TENM3: variants seen among roughly 807,000 people sequenced by gnomAD.
The protein encoded by TENM3 is teneurin transmembrane protein 3, also known as teneurin-3.
In TENM3, 63 loss-of-function variants were observed where a neutral mutation model predicts 255.1. The observed-to-expected ratio is 0.25, with a 90% CI of 0.20 to 0.30. The LOEUF is 0.30. Among genes scored for constraint, TENM3 ranks in the 10% least tolerant of loss-of-function variants. The probability of loss-of-function intolerance (pLI) is 1.00; values close to 1 mark genes in which losing one functional copy is unlikely to be tolerated. For synonymous variants in TENM3, 1,306 were observed against 1,322.3 expected (o/e 0.99, Z 0.27); for missense variants, 2,929 against 3,461.1 (o/e 0.85, Z 3.86).
intron 1 of TENM3, among the ~76,000 whole-genome samples, chr4:182,281,034 A>T (rs1580001830): frequency 6.6e-6 from 1 of 152,136 alleles, no homozygotes; most frequent in Non-Finnish European, 1.5e-5. Flanking sequence ...CTGTCGGGTA[A>T]TTTCTCCTAC....
the TENM3 span, among the ~76,000 whole-genome samples, chr4:181,998,873 A>G: frequency 1.3e-5 from 2 of 152,178 alleles, no homozygotes; most frequent in African/African-American, 2.4e-5. Flanking sequence ...TCAAATTCCC[A>G]GCTCCAACAA....
At chr4:181,866,646 C>G in the TENM3 span, among the ~76,000 whole-genome samples, 1 of 152,158 alleles carries the variant, frequency 6.6e-6, no homozygotes, top group African/African-American at 2.4e-5. Context: ...AATATCAGGC[C>G]AGCTCCATTG....
chr4:182,704,460 T>C (rs1758118538), intron 12 of TENM3, among the ~76,000 whole-genome samples: 2 of 152,362 alleles, frequency 1.3e-5, no homozygotes, highest in East Asian at 1.9e-4. Flanking sequence ...CTGCAGCTTA[T>C]AAAGGCACTC....
At chr4:181,556,264 A>AT in the TENM3 span, among the ~76,000 whole-genome samples, 13 of 151,750 alleles carry the variant, frequency 8.6e-5, no homozygotes, top group South Asian at 1.2e-3. Flanking sequence ...ACCTGACAGA[A>AT]TTTTTTTTTA....
At chr4:182,675,722 T>C (rs568439963) in intron 7 of TENM3, among the ~76,000 whole-genome samples, 1 of 152,342 alleles carries the variant, frequency 6.6e-6, no homozygotes, top group East Asian at 1.9e-4. Flanking sequence ...CTGAGCACAA[T>C]AGTAAACATG....
chr4:182,156,800 A>C (rs1402669166), intron 1 of TENM3, among the ~76,000 whole-genome samples: 1 of 151,974 alleles, frequency 6.6e-6, no homozygotes, highest in Non-Finnish European at 1.5e-5. Flanking sequence ...TTTCTCCCTC[A>C]ATTCACTCAA....
chr4:181,735,274 A>G, the TENM3 span, among the ~76,000 whole-genome samples: 1 of 152,094 alleles, frequency 6.6e-6, no homozygotes, highest in Non-Finnish European at 1.5e-5. Context: ...TAAACTTGTA[A>G]AAGAGTTACA....
At chr4:181,815,378 C>T in the TENM3 span, among the ~76,000 whole-genome samples, 14 of 149,126 alleles carry the variant, frequency 9.4e-5, no homozygotes, top group African/African-American at 3.5e-4. Context: ...AGAAGAATTG[C>T]TTGAAACCTG....
At chr4:182,138,284 T>A in the TENM3 span, among the ~76,000 whole-genome samples, 1 of 152,222 alleles carries the variant, frequency 6.6e-6, no homozygotes, top group African/African-American at 2.4e-5. Flanking sequence ...ATCATCTTTA[T>A]TAATCTGAGG....
chr4:182,072,322 C>G, the TENM3 span, among the ~76,000 whole-genome samples: 1 of 152,192 alleles, frequency 6.6e-6, no homozygotes, highest in Non-Finnish European at 1.5e-5. Flanking sequence ...TCTGGCTGCT[C>G]TTTTCAGTAG....
chr4:182,092,498 G>A, the TENM3 span, among the ~76,000 whole-genome samples: 1 of 151,936 alleles, frequency 6.6e-6, no homozygotes, highest in Non-Finnish European at 1.5e-5. Flanking sequence ...AAATTTAAAA[G>A]TTAGCCAGGC....
the TENM3 span, among the ~76,000 whole-genome samples, chr4:181,569,731 TGCC>T: frequency 4.6e-5 from 7 of 152,202 alleles, no homozygotes; most frequent in African/African-American, 1.7e-4. Flanking sequence ...TTTTTCATCC[TGCC>T]ACTAGATGTC....
the TENM3 span, among the ~76,000 whole-genome samples, chr4:182,022,666 G>A: frequency 3.0e-4 from 45 of 151,790 alleles, no homozygotes; most frequent in African/African-American, 1.0e-3. Context: ...TATTCCTGCC[G>A]TAATTTTCCC....
intron 3 of TENM3, among the ~76,000 whole-genome samples, chr4:182,600,186 A>G (rs1321519317): frequency 6.6e-6 from 1 of 152,212 alleles, no homozygotes; most frequent in East Asian, 1.9e-4. Context: ...TTCAGAATGT[A>G]GTTACACTGC....
chr4:181,495,623 T>C, the TENM3 span, among the ~76,000 whole-genome samples: 1 of 152,034 alleles, frequency 6.6e-6, no homozygotes, highest in Non-Finnish European at 1.5e-5. Context: ...CAATGGTGTA[T>C]GACGACGACA....
At chr4:182,580,703 CTTACCTG>C (rs931644748) in intron 3 of TENM3, among the ~76,000 whole-genome samples, 1 of 152,206 alleles carries the variant, frequency 6.6e-6, no homozygotes, top group African/African-American at 2.4e-5. Flanking sequence ...CTTTGATGAA[CTTACCTG>C]TTTCAACTCA....
chr4:182,409,068 G>C (rs989640492), intron 3 of TENM3, among the ~76,000 whole-genome samples: 2 of 152,218 alleles, frequency 1.3e-5, no homozygotes, highest in Non-Finnish European at 2.9e-5. Context: ...GACAAATGAG[G>C]TAAACATCGC....
chr4:182,409,518 A>G (rs1048317694), intron 3 of TENM3, among the ~76,000 whole-genome samples: 5 of 152,128 alleles, frequency 3.3e-5, no homozygotes, highest in African/African-American at 7.2e-5. Context: ...ATATTCCACA[A>G]CACAAATAAC....
chr4:181,492,546 G>GTGCTTCTT, the TENM3 span, among the ~76,000 whole-genome samples: 1 of 152,212 alleles, frequency 6.6e-6, no homozygotes, highest in Admixed American at 6.5e-5. Context: ...TAACATAACG[G>GTGCTTCTT]TGCTTCTTTT....
Sources: allele counts gnomAD v4.1 joint callset (sites outside exome capture counted in the v4.1 genomes callset), GRCh38; gene constraint gnomAD v4.1.1; transcripts MANE v1.5; gene names NCBI Gene and HGNC (gene_info 2026-07-23, HGNC 2026-07-21).